TRPV3: variants seen among roughly 807,000 people sequenced by gnomAD.
The protein encoded by TRPV3 is transient receptor potential cation channel subfamily V member 3, also known as VRL-3.
Under a neutral mutation model 87.1 loss-of-function variants are expected in TRPV3, and 88 were observed. The observed-to-expected ratio is 1.01, with a 90% confidence interval of 0.85 to 1.21. The LOEUF is 1.21. Ranked by LOEUF, TRPV3 falls within the 50% of genes most tolerant of loss-of-function variation. The pLI, the probability that TRPV3 is intolerant of heterozygous loss-of-function variation, is 0.00. For missense variants in TRPV3, 1,054 were observed against 1,030.1 expected (o/e 1.02, Z -0.32); for synonymous variants, 438 against 423.3 (o/e 1.03, Z -0.43).
At chr17:3,516,640 C>T (rs911656172) in intron 15 of TRPV3, 71 bp from the exon 16 acceptor site, 10 of 1,106,756 alleles carry the variant, frequency 9.0e-6, no homozygotes, top group Non-Finnish European at 1.2e-5. Flanking sequence ...CACACACTGT[C>T]GGGGAGCCCA....
At chr17:3,542,443 C>G in intron 6 of TRPV3, 79 bp downstream of exon 6, 1 of 1,508,938 alleles carries the variant, frequency 6.6e-7, no homozygotes, top group Non-Finnish European at 8.9e-7. Flanking sequence ...TCCACGTGGC[C>G]TGGCCAGCAG....
At chr17:3,514,985 C>A (rs2074164410) in intron 16 of TRPV3, among the ~76,000 whole-genome samples, 1 of 152,026 alleles carries the variant, frequency 6.6e-6, no homozygotes, top group Admixed American at 6.5e-5. Context: ...TGGTGACAGC[C>A]CAAGGGGAAG....
rs2074336939 is a variant in TRPV3, at chr17:3,530,213, G to A, written c.1066-10C>T. ...GGATGTACTTCAGGATCTGGGACAG[G>A]AGGAGGAACAACCATCAGCTGCAGA... On this transcript the variant is annotated splice_polypyrimidine_tract_variant and intron_variant, in intron 8 of 17. Transcript: ENST00000576742. The surrounding 1 kb of genome is among the most constrained non-coding windows in gnomAD (Gnocchi z 4.0). 1.2e-5 allele frequency: 20 copies of A among 1,606,964 alleles called. No homozygotes were observed. Among genetic ancestry groups the A allele is most frequent in the South Asian group, 4.5e-5 (4 of 89,756 alleles).
At chr17:3,554,927 T>C in intron 1 of TRPV3, 75 bp from the exon 2 acceptor site, 1 of 891,628 alleles carries the variant, frequency 1.1e-6, no homozygotes. Flanking sequence ...GGGCCCCATG[T>C]GGCTGCATCC....
chr17:3,538,591 AT>A (rs35630938), intron 6 of TRPV3, among the ~76,000 whole-genome samples: 39,213 of 150,644 alleles, frequency 0.26, 6,528 homozygotes, highest in East Asian at 0.47. Context: ...TTAAAAAAAA[AT>A]TTTTTTTTTT....
In TRPV3 at chr17:3,511,678, T is replaced by C. The variant is rs1220218291; in HGVS notation, c.*2239A>G. 6.6e-6 allele frequency: 1 copy of C among 152,228 alleles called. No individual in the cohort carries two copies. Among genetic ancestry groups the C allele is most frequent in the African/African-American group, 2.4e-5 (1 of 41,446 alleles). The allele number at this position is 152,228 out of a possible 1,614,324, so 9.4% of individuals were successfully genotyped here. On this transcript the variant is annotated 3_prime_UTR_variant, in exon 18 of 18. Coordinates refer to ENST00000576742, the MANE Select transcript of TRPV3 (RefSeq NM_145068.4). ...CCACAGACAGCAGATCACCAAAACA[T>C]GTGAGATGACAAACATCCCTATGGC...
intron 2 of TRPV3, chr17:3,554,129 G>C (rs1235749714): frequency 2.0e-5 from 3 of 152,674 alleles, no homozygotes; most frequent in Non-Finnish European, 2.9e-5. Context: ...GGAGTGATGA[G>C]GACAATGATG....
intron 6 of TRPV3, among the ~76,000 whole-genome samples, chr17:3,537,926 C>T (rs1185291140): frequency 2.1e-5 from 3 of 145,296 alleles, no homozygotes; most frequent in Non-Finnish European, 3.0e-5. Flanking sequence ...ATGCCAGGCA[C>T]GGTGGCTCAC....
At chr17:3,526,676 G>T (rs2074302795) in intron 12 of TRPV3, among the ~76,000 whole-genome samples, 178 bp downstream of exon 12, 1 of 152,096 alleles carries the variant, frequency 6.6e-6, no homozygotes, top group South Asian at 2.1e-4. Context: ...CTTCTCCATG[G>T]GCATTTACGT....
chr17:3,528,915 G>C lies in TRPV3; in HGVS notation c.1323C>G (p.Phe441Leu). Reference sequence around the variant, plus strand: ...AGAAATAAAAGCAGAAGGACAGAAAGAACATGTGCTTGGCAAACTTCTTCC... The same window carrying C: ...AGAAATAAAAGCAGAAGGACAGAAACAACATGTGCTTGGCAAACTTCTTCC... ...MKWKKFAKHM[F>L]FLSFCFYFFY... The change falls in exon 10 of 18, where the codon TTC becomes TTG. Residue 441 changes from phenylalanine to leucine, a missense_variant. Coordinates refer to ENST00000576742, the MANE Select transcript of TRPV3 (RefSeq NM_145068.4). The surrounding 1 kb of genome is among the most constrained non-coding windows in gnomAD (Gnocchi z 4.2). 1 of 1,614,232 alleles carries C rather than the reference G, an allele frequency of 6.2e-7. No individual in the cohort carries two copies. Among genetic ancestry groups the C allele is most frequent in the South Asian group, 1.1e-5 (1 of 91,086 alleles).
intron 17 of TRPV3, chr17:3,514,236 G>C (rs1164242574): frequency 2.0e-6 from 1 of 489,090 alleles, no homozygotes; most frequent in Admixed American, 3.4e-5. Context: ...CTGCCACCAC[G>C]TTCGGCTAAT....
At chr17:3,554,615 C>G in intron 2 of TRPV3, 117 bp downstream of exon 2, 1 of 732,274 alleles carries the variant, frequency 1.4e-6, no homozygotes, top group Non-Finnish European at 2.3e-6. Flanking sequence ...CGGGCCACCC[C>G]GGGCGAGACT....
intron 6 of TRPV3, among the ~76,000 whole-genome samples, chr17:3,540,625 G>A (rs1597485479): frequency 6.6e-6 from 1 of 152,228 alleles, no homozygotes; most frequent in Admixed American, 6.5e-5. Flanking sequence ...GTAAGCAACA[G>A]ACTTCATCCC....
chr17:3,525,065 G>T lies in TRPV3; in HGVS notation c.1578-702C>A, dbSNP rs571702599. On this transcript the variant is annotated intron_variant, in intron 12 of 17. Transcript: ENST00000576742. ...GACAGGGTCTTGCTCTGTCACCTAG[G>T]CTGGAGTACAGTGGCATGAACTCTG... is the stretch of plus-strand genomic sequence containing the variant. 3.9e-5 allele frequency among the ~76,000 whole-genome samples: 6 copies of T among 152,308 alleles called. No individual in the cohort carries two copies. In the South Asian group the frequency reaches 1.0e-3, roughly 26 times the overall value.
intron 5 of TRPV3, among the ~76,000 whole-genome samples, chr17:3,543,050 A>G (rs1207215373): frequency 1.3e-5 from 2 of 151,704 alleles, no homozygotes; most frequent in African/African-American, 4.8e-5. Context: ...TCAACCTGAT[A>G]CTGCACTGGT....
chr17:3,546,613 T>C (rs423431), intron 2 of TRPV3: 144,590 of 455,072 alleles, frequency 0.32, 24,614 homozygotes, highest in Non-Finnish European at 0.37. Flanking sequence ...CTTGGAGACA[T>C]GTGGCTTCTA....
chr17:3,555,979 C>G (rs963667097), intron 1 of TRPV3, among the ~76,000 whole-genome samples: 2 of 152,112 alleles, frequency 1.3e-5, no homozygotes, highest in African/African-American at 2.4e-5. Context: ...GAGTTCAAGA[C>G]CAGCCTGGGC....
At chr17:3,554,683 C>A (rs369486286) in intron 2 of TRPV3, 49 bp downstream of exon 2, 2 of 1,337,760 alleles carry the variant, frequency 1.5e-6, no homozygotes, top group East Asian at 4.7e-5. Context: ...GGCCCCCACT[C>A]GTGCCCCTCA....
Position 3,530,126 on chromosome 17 carries a change from C to T in TRPV3, c.1143G>A (p.Ala381=), listed in dbSNP as rs141437962. ...RSLSRKFTDW[A]YGPVSSSLYD... ...AGAGGGAGGATGACACGGGTCCGTA[C>T]GCCCAGTCGGTGAACTTCCTGGACA... Residue 381 remains alanine, a synonymous_variant, in exon 9 of 18, where the codon GCG becomes GCA. Transcript: ENST00000576742. This position sits in a 1 kb window ranked among gnomAD's most constrained non-coding sequence, Gnocchi z 4.0. 1.5e-5 allele frequency: 24 copies of T among 1,614,060 alleles called. No individual in the cohort carries two copies. The highest frequency in any genetic ancestry group is 4.0e-5 in the African/African-American group (3 of 74,938).
Sources: allele counts gnomAD v4.1 joint callset (sites outside exome capture counted in the v4.1 genomes callset), GRCh38; gene constraint gnomAD v4.1.1; non-coding constraint Gnocchi (gnomAD v3.1); transcripts MANE v1.5; gene names NCBI Gene and HGNC (gene_info 2026-07-23, HGNC 2026-07-21).